FOCAD: variants seen among roughly 807,000 people sequenced by gnomAD.
FOCAD encodes the protein KIAA1797.
FOCAD carries 198 observed loss-of-function variants against 225.6 expected under a neutral mutation model. The observed-to-expected ratio is 0.88, with a 90% confidence interval of 0.78 to 0.99. The LOEUF (loss-of-function observed/expected upper bound fraction) is 0.99, where lower values mean the gene tolerates loss of function less well. Ranked by LOEUF, FOCAD falls within the 50% of genes least tolerant of loss-of-function variation. FOCAD has a pLI of 0.00. For missense variants in FOCAD, 2,713 were observed against 2,123.6 expected (o/e 1.28, Z -5.46); for synonymous variants, 897 against 755.0 (o/e 1.19, Z -3.08).
chr9:20,847,170 A>T (rs1391997924), intron 15 of FOCAD, among the ~76,000 whole-genome samples: 2 of 152,020 alleles, frequency 1.3e-5, no homozygotes, highest in Non-Finnish European at 2.9e-5. Context: ...AGTTTGGGAC[A>T]TTTTCATCAT....
At position 20,866,915 on chromosome 9, in the gene FOCAD, T is replaced by A; in HGVS notation, c.2107-14T>A. 1 of 951,904 alleles carries A rather than the reference T, an allele frequency of 1.1e-6. No individual in the cohort carries two copies. Among genetic ancestry groups the A allele is most frequent in the Non-Finnish European group, 1.5e-6 (1 of 658,026 alleles). 59.0% of individuals were successfully genotyped at this position (951,904 alleles called of 1,614,324 possible). ...TTTTTTTTTTTTTTTTTTTTTTTTT[T>A]TTACCCTATCTAGGACCCAATTGTA... On this transcript the variant is annotated splice_polypyrimidine_tract_variant and intron_variant, in intron 17 of 43. Coordinates refer to ENST00000338382, the MANE Select transcript of FOCAD (RefSeq NM_001375567.1).
chr9:20,765,204 C>T (rs781778901), intron 7 of FOCAD, 131 bp downstream of exon 7: 11 of 722,224 alleles, frequency 1.5e-5, no homozygotes, highest in Non-Finnish European at 2.2e-5. Flanking sequence ...GAAATGCTTA[C>T]AATCTTTTGG....
At chr9:20,825,146 CGTGTGT>C (rs10562859) in intron 15 of FOCAD, among the ~76,000 whole-genome samples, 6,140 of 139,050 alleles carry the variant, frequency 0.044, 164 homozygotes, top group Middle Eastern at 0.1. Flanking sequence ...TCAAGCTTTG[CGTGTGT>C]GTGTGTGTGT....
At chr9:20,843,764 G>A (rs147958392) in intron 15 of FOCAD, among the ~76,000 whole-genome samples, 73 of 152,206 alleles carry the variant, frequency 4.8e-4, no homozygotes, top group African/African-American at 1.6e-3. Flanking sequence ...CATGTATACA[G>A]CATGTAATGA....
chr9:20,910,402 A>T (rs112594463), intron 22 of FOCAD, among the ~76,000 whole-genome samples: 63 of 152,228 alleles, frequency 4.1e-4, no homozygotes, highest in African/African-American at 1.4e-3. Flanking sequence ...CTAGTTGCCA[A>T]ATAACCAGAA....
chr9:20,695,851 A>C (rs986788385), intron 1 of FOCAD, among the ~76,000 whole-genome samples: 2 of 152,266 alleles, frequency 1.3e-5, no homozygotes, highest in African/African-American at 4.8e-5. Flanking sequence ...ATATAAATCC[A>C]ATCTGCAGCT....
chr9:20,893,314 T>C (rs1332895866), intron 21 of FOCAD, among the ~76,000 whole-genome samples: 1 of 148,964 alleles, frequency 6.7e-6, no homozygotes, highest in Admixed American at 6.8e-5. Context: ...CAAAAAAAAC[T>C]GTATGACTCT....
chr9:20,770,013 T>A lies in FOCAD; in HGVS notation c.700-19T>A, dbSNP rs1818030283. 1 of 1,600,060 alleles carries A rather than the reference T, an allele frequency of 6.2e-7. No individual in the cohort carries two copies. The highest frequency in any genetic ancestry group is 1.3e-5 in the African/African-American group (1 of 74,446). ...GGTTTGTGTATTTTTTAATATCATA[T>A]AATGACTTTTTTAAACAGGTAAAAG... is the stretch of plus-strand genomic sequence containing the variant. On this transcript the variant is annotated intron_variant, in intron 7 of 43. Transcript: ENST00000338382.
chr9:20,951,146 G>A (rs780872741), intron 34 of FOCAD, 48 bp downstream of exon 34: 20 of 1,391,936 alleles, frequency 1.4e-5, no homozygotes, highest in East Asian at 4.6e-5. Flanking sequence ...AGGGATTGCC[G>A]ACCCAGCGCT....
intron 8 of FOCAD, among the ~76,000 whole-genome samples, chr9:20,777,608 T>A (rs985265023): frequency 6.6e-6 from 1 of 152,174 alleles, no homozygotes; most frequent in African/African-American, 2.4e-5. Flanking sequence ...ATTACGGTAA[T>A]TCGAAAATAA....
chr9:20,791,030 A>G (rs1820473513), intron 11 of FOCAD, among the ~76,000 whole-genome samples: 1 of 152,146 alleles, frequency 6.6e-6, no homozygotes, highest in African/African-American at 2.4e-5. Flanking sequence ...TATTTCCTGT[A>G]GTGATCCTGC....
chr9:20,671,618 G>GAC (rs34651020), intron 2 of FOCAD, among the ~76,000 whole-genome samples: 2 of 151,848 alleles, frequency 1.3e-5, no homozygotes, highest in African/African-American at 4.8e-5. Flanking sequence ...TGTAATAAAA[G>GAC]AGGAGAGATT....
chr9:20,740,053 C>T (rs891916688), intron 4 of FOCAD, among the ~76,000 whole-genome samples, 183 bp from the exon 5 acceptor site: 2 of 152,092 alleles, frequency 1.3e-5, no homozygotes, highest in Non-Finnish European at 2.9e-5. Flanking sequence ...AGCTCCATTT[C>T]TTCTCCTTTA....
chr9:20,727,801 C>G (rs754729524), intron 4 of FOCAD, among the ~76,000 whole-genome samples: 1 of 152,184 alleles, frequency 6.6e-6, no homozygotes, highest in Non-Finnish European at 1.5e-5. Context: ...CACATTTGTT[C>G]CCATGACACC....
chr9:20,919,722 T>C (rs1332909530), intron 24 of FOCAD, among the ~76,000 whole-genome samples: 1 of 152,236 alleles, frequency 6.6e-6, no homozygotes, highest in African/African-American at 2.4e-5. Context: ...AAGGATTCCC[T>C]ATTTCATAAA....
chr9:20,856,224 G>A (rs1030097878), intron 15 of FOCAD, among the ~76,000 whole-genome samples: 1 of 151,938 alleles, frequency 6.6e-6, no homozygotes, highest in East Asian at 1.9e-4. Context: ...AACAGTGTAC[G>A]AGGGTTCCCC....
intron 30 of FOCAD, among the ~76,000 whole-genome samples, chr9:20,947,984 T>TTGTTTGAGC (rs1229216865): frequency 7.9e-5 from 12 of 152,138 alleles, no homozygotes; most frequent in Non-Finnish European, 1.3e-4. Flanking sequence ...CCTCTTCAAA[T>TTGTTTGAGC]TGTTTGAGCT....
rs539359206 is a variant in FOCAD, at chr9:20,840,587, T to G, written c.1920+17472T>G. 3.7e-3 allele frequency among the ~76,000 whole-genome samples: 534 copies of G among 145,884 alleles called. 7 individuals carry two copies. Among genetic ancestry groups the G allele is most frequent in the African/African-American group, 0.012 (515 of 41,320 alleles). Reference sequence around the variant, plus strand: ...TGTTTGCCTGTAGAAATGCCACTGATTTTTTAATGTTTTTTTTTTTAATTC... The same window carrying G: ...TGTTTGCCTGTAGAAATGCCACTGAGTTTTTAATGTTTTTTTTTTTAATTC... On this transcript the variant is annotated intron_variant, in intron 15 of 43. Coordinates refer to ENST00000338382, the MANE Select transcript of FOCAD (RefSeq NM_001375567.1).
At chr9:20,660,307 A>G (rs974134423) in intron 2 of FOCAD, among the ~76,000 whole-genome samples, 2 of 152,228 alleles carry the variant, frequency 1.3e-5, no homozygotes, top group African/African-American at 4.8e-5. Context: ...TATGGTGTAG[A>G]AACTACTGTT....
Sources: allele counts gnomAD v4.1 joint callset (sites outside exome capture counted in the v4.1 genomes callset), GRCh38; gene constraint gnomAD v4.1.1; transcripts MANE v1.5; gene names NCBI Gene and HGNC (gene_info 2026-07-23, HGNC 2026-07-21).